PLEKHM3: variants seen among roughly 807,000 people sequenced by gnomAD.
PLEKHM3 encodes pleckstrin homology domain containing M3.
PLEKHM3 carries 45 observed loss-of-function variants against 81.8 expected under a neutral mutation model. The ratio of observed to expected loss-of-function variants is 0.55; its 90% CI spans 0.43 to 0.71. PLEKHM3 has a LOEUF of 0.71. Among genes scored for constraint, PLEKHM3 ranks in the 30% least tolerant of loss-of-function variants. PLEKHM3 has a pLI of 0.00. For synonymous variants in PLEKHM3, 352 were observed against 356.4 expected (o/e 0.99, Z 0.14); for missense variants, 788 against 924.3 (o/e 0.85, Z 1.91).
intron 2 of PLEKHM3, among the ~76,000 whole-genome samples, chr2:207,998,978 T>A (rs996985995): frequency 6.6e-6 from 1 of 152,028 alleles, no homozygotes; most frequent in Non-Finnish European, 1.5e-5. Context: ...CAGCAACTTG[T>A]ATGTCCTTTA....
intron 5 of PLEKHM3, among the ~76,000 whole-genome samples, chr2:207,919,164 A>C (rs1335683790): frequency 6.6e-6 from 1 of 152,182 alleles, no homozygotes; most frequent in Non-Finnish European, 1.5e-5. Flanking sequence ...AAAAGAGAAA[A>C]AAGGAAGCAA....
intron 3 of PLEKHM3, among the ~76,000 whole-genome samples, chr2:207,956,449 G>A (rs1289478124): frequency 2.6e-5 from 4 of 151,814 alleles, no homozygotes; most frequent in Non-Finnish European, 5.9e-5. Flanking sequence ...CTCCAGCTTG[G>A]GCAACGGTAT....
At chr2:207,916,645 T>C (rs1689001772) in intron 5 of PLEKHM3, among the ~76,000 whole-genome samples, 1 of 151,886 alleles carries the variant, frequency 6.6e-6, no homozygotes, top group African/African-American at 2.4e-5. Flanking sequence ...CTGCTAGGAA[T>C]GCTGAAACAG....
In PLEKHM3 at chr2:207,836,653, A is replaced by G. The variant is rs186106972; in HGVS notation, c.2109-8157T>C. ...GTGAGACCAATTAGAGACAGGCCCAATGGCTTTGTCTGCACCCTTCCAGAT... is the reference window on the plus strand; with the variant it reads ...GTGAGACCAATTAGAGACAGGCCCAGTGGCTTTGTCTGCACCCTTCCAGAT... On this transcript the variant is annotated intron_variant, in intron 7 of 7. Transcript: ENST00000427836. 2.9e-4 allele frequency among the ~76,000 whole-genome samples: 44 copies of G among 152,324 alleles called. 1 individual carries two copies. Among genetic ancestry groups the G allele is most frequent in the African/African-American group, 9.1e-4 (38 of 41,576 alleles).
At chr2:208,009,066 G>A (rs984941532) in intron 1 of PLEKHM3, among the ~76,000 whole-genome samples, 1 of 152,096 alleles carries the variant, frequency 6.6e-6, no homozygotes, top group South Asian at 2.1e-4. Context: ...GCCTACTATG[G>A]GGGGGACACT....
intron 2 of PLEKHM3, among the ~76,000 whole-genome samples, chr2:207,987,427 G>A (rs936885995): frequency 2.0e-5 from 3 of 152,110 alleles, no homozygotes; most frequent in Non-Finnish European, 4.4e-5. Context: ...CCTTGGTCTC[G>A]AGTAACAACC....
intron 6 of PLEKHM3, among the ~76,000 whole-genome samples, chr2:207,874,590 A>G (rs954217920): frequency 6.6e-6 from 1 of 151,500 alleles, no homozygotes; most frequent in Non-Finnish European, 1.5e-5. Context: ...CAAACAAAAA[A>G]ACTGTATTTT....
At chr2:207,950,005 A>G (rs1690277454) in intron 3 of PLEKHM3, among the ~76,000 whole-genome samples, 1 of 152,226 alleles carries the variant, frequency 6.6e-6, no homozygotes. Context: ...AAAGCTCACC[A>G]TGCTGGGGGA....
intron 6 of PLEKHM3, among the ~76,000 whole-genome samples, chr2:207,890,903 G>C (rs149869277): frequency 1.1e-3 from 173 of 152,258 alleles, no homozygotes; most frequent in African/African-American, 3.9e-3. Context: ...AGTAATTCTT[G>C]CTGGGCCATT....
intron 6 of PLEKHM3, among the ~76,000 whole-genome samples, chr2:207,902,219 G>A (rs1466868029): frequency 6.6e-6 from 1 of 152,240 alleles, no homozygotes; most frequent in Non-Finnish European, 1.5e-5. Flanking sequence ...AAGGGCAGCT[G>A]TGCTGGGTGC....
At chr2:208,021,469 T>C (rs1179553187) in intron 1 of PLEKHM3, among the ~76,000 whole-genome samples, 5 of 152,240 alleles carry the variant, frequency 3.3e-5, no homozygotes, top group Non-Finnish European at 5.9e-5. Flanking sequence ...TTATAATTTG[T>C]TTTCTATATC....
At chr2:207,858,895 C>T (rs977194442) in intron 7 of PLEKHM3, among the ~76,000 whole-genome samples, 2 of 152,120 alleles carry the variant, frequency 1.3e-5, no homozygotes, top group South Asian at 2.1e-4. Flanking sequence ...TTACCACAAT[C>T]TAATTCCAGA....
chr2:207,844,763 C>T (rs2092374262), intron 7 of PLEKHM3, among the ~76,000 whole-genome samples: 1 of 152,140 alleles, frequency 6.6e-6, no homozygotes, highest in Admixed American at 6.5e-5. Flanking sequence ...GTCCTTTGCC[C>T]CCCAGGTTGG....
At chr2:207,833,111 C>CAAAA (rs71036960) in intron 7 of PLEKHM3, among the ~76,000 whole-genome samples, 8 of 76,862 alleles carry the variant, frequency 1.0e-4, no homozygotes, top group South Asian at 4.2e-4. Flanking sequence ...GACACCATCT[C>CAAAA]AAAAAAAAAA....
intron 4 of PLEKHM3, among the ~76,000 whole-genome samples, chr2:207,940,407 T>C (rs1163127644): frequency 6.6e-6 from 1 of 152,192 alleles, no homozygotes; most frequent in Non-Finnish European, 1.5e-5. Context: ...CATTAACCCA[T>C]TTACCCAGCA....
At chr2:207,953,823 A>AT (rs1690416237) in intron 3 of PLEKHM3, among the ~76,000 whole-genome samples, 1 of 129,562 alleles carries the variant, frequency 7.7e-6, no homozygotes, top group Non-Finnish European at 1.7e-5. Flanking sequence ...GACTCTGTCT[A>AT]CAAAAAAAAA....
At chr2:207,920,671 G>A (rs1216045344) in intron 5 of PLEKHM3, among the ~76,000 whole-genome samples, 2 of 138,152 alleles carry the variant, frequency 1.4e-5, no homozygotes, top group Non-Finnish European at 3.2e-5. Context: ...TTTTTTTTTA[G>A]TATTACTATG....
At chr2:207,840,448 G>C (rs1191285673) in intron 7 of PLEKHM3, among the ~76,000 whole-genome samples, 1 of 152,062 alleles carries the variant, frequency 6.6e-6, no homozygotes, top group Non-Finnish European at 1.5e-5. Flanking sequence ...CTCCTGCCTT[G>C]GCCTCCCCAT....
At chr2:207,920,358 C>T (rs769675480) in intron 5 of PLEKHM3, among the ~76,000 whole-genome samples, 7 of 152,050 alleles carry the variant, frequency 4.6e-5, no homozygotes, top group South Asian at 2.1e-4. Context: ...ACATTTATAC[C>T]GTAATGGGCT....
Sources: gnomAD v4.1 joint callset for allele counts (sites outside exome capture counted in the v4.1 genomes callset) on GRCh38, gnomAD v4.1.1 for gene constraint, MANE v1.5 for transcripts, NCBI Gene and HGNC (gene_info 2026-07-23, HGNC 2026-07-21) for gene names.